RUFY3: variants seen among roughly 807,000 people sequenced by gnomAD.
RUFY3 encodes protein RUFY3.
In RUFY3, 34 loss-of-function variants were observed where a neutral mutation model predicts 84.0. That is an observed-to-expected ratio of 0.40 (90% CI 0.31 to 0.54). The LOEUF (loss-of-function observed/expected upper bound fraction) is 0.54, where lower values mean the gene tolerates loss of function less well. Among genes scored for constraint, RUFY3 ranks in the 20% least tolerant of loss-of-function variants. The probability of loss-of-function intolerance (pLI) is 0.39; values close to 1 mark genes in which losing one functional copy is unlikely to be tolerated. For synonymous variants in RUFY3, 242 were observed against 252.9 expected, an observed-to-expected ratio of 0.96 and a Z score of 0.41; for missense variants, 507 against 736.8, an observed-to-expected ratio of 0.69 and a Z score of 3.61.
At chr4:70,793,573 G>A in intron 12 of RUFY3, 1 of 1,438,794 alleles carries the variant, frequency 7.0e-7, no homozygotes, top group Non-Finnish European at 9.1e-7. Flanking sequence ...TCCTCTGCCT[G>A]GTTCACCTTC....
At chr4:70,723,791 G>A (rs919317677) in intron 1 of RUFY3, among the ~76,000 whole-genome samples, 2 of 152,176 alleles carry the variant, frequency 1.3e-5, no homozygotes, top group African/African-American at 4.8e-5. Flanking sequence ...TAGGTGAATT[G>A]TACCTAGCAG....
At chr4:70,749,016 G>C (rs1722674035) in intron 1 of RUFY3, among the ~76,000 whole-genome samples, 1 of 152,092 alleles carries the variant, frequency 6.6e-6, no homozygotes, top group Non-Finnish European at 1.5e-5. Context: ...AACCCTTCTA[G>C]ATCATAGATC....
chr4:70,784,565 C>T (rs944455170), intron 9 of RUFY3, among the ~76,000 whole-genome samples: 3 of 151,874 alleles, frequency 2.0e-5, no homozygotes, highest in Non-Finnish European at 2.9e-5. Flanking sequence ...ATTTTTAAAA[C>T]TTCTACCATC....
intron 8 of RUFY3, among the ~76,000 whole-genome samples, chr4:70,782,217 T>C (rs985434677): frequency 1.3e-5 from 2 of 152,070 alleles, no homozygotes; most frequent in African/African-American, 4.8e-5. Context: ...TGTGTACATC[T>C]ATAAGAACAC....
At chr4:70,788,617 A>G (rs1730300147) in intron 10 of RUFY3, among the ~76,000 whole-genome samples, 189 bp from the exon 11 acceptor site, 1 of 152,152 alleles carries the variant, frequency 6.6e-6, no homozygotes, top group Non-Finnish European at 1.5e-5. Context: ...ATGTTATTGT[A>G]TATCCTAATT....
intron 1 of RUFY3, among the ~76,000 whole-genome samples, chr4:70,714,238 C>T (rs1393365312): frequency 5.3e-5 from 8 of 152,160 alleles, no homozygotes; most frequent in African/African-American, 9.7e-5. Flanking sequence ...ATTAGAGGCA[C>T]GTCTTCAGGC....
chr4:70,726,878 TTTGC>T (rs1464299556), intron 1 of RUFY3, among the ~76,000 whole-genome samples: 1 of 152,202 alleles, frequency 6.6e-6, no homozygotes, highest in African/African-American at 2.4e-5. Flanking sequence ...ACTTTCTTAC[TTTGC>T]TTGTGCCATG....
intron 4 of RUFY3, among the ~76,000 whole-genome samples, chr4:70,767,684 A>G (rs183388933): frequency 1.3e-5 from 2 of 151,260 alleles, no homozygotes; most frequent in Non-Finnish European, 2.9e-5. Flanking sequence ...GGTCTTCACG[A>G]ATTTTTTTTT....
chr4:70,772,173 C>T (rs534149404), intron 5 of RUFY3, among the ~76,000 whole-genome samples: 7 of 151,162 alleles, frequency 4.6e-5, no homozygotes, highest in East Asian at 1.9e-4. Context: ...TAGGTGGACT[C>T]GCACAATTCA....
rs549854414 is a variant in RUFY3 at position 70,773,375 on chromosome 4, C to G, written c.697-136C>G. 98 of 611,372 alleles carry G rather than the reference C, an allele frequency of 1.6e-4. No homozygotes were observed. The African/African-American group carries it at 1.7e-3, about 11-fold the overall frequency. The allele number at this position is 611,372 out of a possible 1,614,324, so 37.9% of individuals were successfully genotyped here. ...ATTCTTGATTAAACTGAAAGTAAAACAGTACATTTTTAATCGTAAATTTCT... is the reference window on the plus strand; with the variant it reads ...ATTCTTGATTAAACTGAAAGTAAAAGAGTACATTTTTAATCGTAAATTTCT... On this transcript the variant is annotated intron_variant, in intron 5 of 17. Coordinates refer to ENST00000381006, the MANE Select transcript of RUFY3 (RefSeq NM_001037442.4).
chr4:70,773,410 C>A, intron 5 of RUFY3, 101 bp from the exon 6 acceptor site: 2 of 730,182 alleles, frequency 2.7e-6, no homozygotes, highest in Admixed American at 2.4e-5. Flanking sequence ...TAGTAAGTGT[C>A]ATGACTGTAT....
intron 1 of RUFY3, among the ~76,000 whole-genome samples, chr4:70,726,669 G>T (rs758945445): frequency 6.6e-6 from 1 of 152,178 alleles, no homozygotes; most frequent in Non-Finnish European, 1.5e-5. Context: ...ACCGTGCCCC[G>T]CCCATTACTC....
Position 70,739,687 on chromosome 4 carries a change from C to T in RUFY3, c.178+16936C>T, listed in dbSNP as rs555615713. Among the ~76,000 whole-genome samples, 157 of 152,074 alleles carry T rather than the reference C, an allele frequency of 1.0e-3. 1 individual carries two copies. Among genetic ancestry groups the T allele is most frequent in the African/African-American group, 3.5e-3 (147 of 41,480 alleles). ...ACAACCATGGATACATAAACAAAGGCGAAGCATTTTTTAGCCCATTCAAGC... is the reference window on the plus strand; with the variant it reads ...ACAACCATGGATACATAAACAAAGGTGAAGCATTTTTTAGCCCATTCAAGC... On this transcript the variant is annotated intron_variant, in intron 1 of 17. Transcript: ENST00000381006.
intron 1 of RUFY3, among the ~76,000 whole-genome samples, chr4:70,760,356 A>G (rs1270284755): frequency 6.6e-6 from 1 of 152,188 alleles, no homozygotes; most frequent in Non-Finnish European, 1.5e-5. Context: ...CAGCTTGTAA[A>G]CTTTGACTAG....
chr4:70,714,270 T>C (rs1469476018), intron 1 of RUFY3, among the ~76,000 whole-genome samples: 1 of 152,182 alleles, frequency 6.6e-6, no homozygotes, highest in Non-Finnish European at 1.5e-5. Flanking sequence ...TGGTTCCATA[T>C]TCTACTCACT....
At chr4:70,755,952 A>G (rs1274619837) in intron 1 of RUFY3, among the ~76,000 whole-genome samples, 1 of 119,292 alleles carries the variant, frequency 8.4e-6, no homozygotes, top group Non-Finnish European at 1.6e-5. Flanking sequence ...TTCTGTCTCG[A>G]AAAAAAAAAA....
intron 1 of RUFY3, among the ~76,000 whole-genome samples, chr4:70,733,068 AAAG>A (rs1258993884): frequency 1.9e-4 from 22 of 117,308 alleles, no homozygotes; most frequent in African/African-American, 9.5e-4. Context: ...CTCCATTTCA[AAAG>A]AAAGAGAGAG....
Position 70,800,160 on chromosome 4 carries a change from A to G in RUFY3, c.1577A>G (p.Gln526Arg). 1.2e-6 allele frequency: 2 copies of G among 1,607,696 alleles called. No individual in the cohort carries two copies. The highest frequency in any genetic ancestry group is 1.7e-6 in the Non-Finnish European group (2 of 1,178,514). The change falls in exon 15 of 18, where the codon CAA becomes CGA. Residue 526 changes from glutamine to arginine, a missense_variant. Gln to Arg is a conservative substitution (Grantham distance 43). This residue lies in a region of RUFY3 where 334 missense variants were observed against 364.1 expected (regional missense o/e 0.92). Transcript: ENST00000381006. ...ESKMDGKHKM[Q>R]EENVKLKKPL... ...TGGCAGGATGGGAAGCACAAAATGC[A>G]AGAGGAAAATGTTAAACTAAAAAAG...
rs1725392601 is a variant in RUFY3, at chr4:70,763,688, T to C, written c.470+19T>C. On this transcript the variant is annotated intron_variant, in intron 3 of 17. Transcript: ENST00000381006. ...GACTTAAGTAAGTCTAAGGTTGAAT[T>C]CCATTTCTCAGGAACAGCATTCTTA... 6.2e-7 allele frequency: 1 copy of C among 1,601,026 alleles called. No individual in the cohort carries two copies. Among genetic ancestry groups the C allele is most frequent in the African/African-American group, 1.3e-5 (1 of 74,210 alleles).
Sources: allele counts gnomAD v4.1 joint callset (sites outside exome capture counted in the v4.1 genomes callset), GRCh38; gene constraint gnomAD v4.1.1; regional missense constraint gnomAD v4.1.1; transcripts MANE v1.5; gene names NCBI Gene and HGNC (gene_info 2026-07-23, HGNC 2026-07-21).